Variants in CRPPA observed in about 807,000 individuals in gnomAD.
CRPPA encodes D-ribitol-5-phosphate cytidylyltransferase.
Under a neutral mutation model 52.0 loss-of-function variants are expected in CRPPA, and 43 were observed. That is an observed-to-expected ratio of 0.83 (90% CI 0.65 to 1.07). The LOEUF (loss-of-function observed/expected upper bound fraction) is 1.07, where lower values mean the gene tolerates loss of function less well. Among genes scored for constraint, CRPPA ranks in the 50% least tolerant of loss-of-function variants. CRPPA has a pLI of 0.00. For synonymous variants in CRPPA, 250 were observed against 203.5 expected (o/e 1.23, Z -1.94); for missense variants, 629 against 551.7 (o/e 1.14, Z -1.40).
At position 16,303,477 on chromosome 7, in the gene CRPPA, T is replaced by TAAAAAAAAAAAAAAAAAAAAAAA. The variant is rs545663821; in HGVS notation, c.790-2034_790-2012dup. ...GTTTCTGTGTTGAGACATAAAATAG[T>TAAAAAAAAAAAAAAAAAAAAAAA]AAAAAAAAAAAAAAAAAAAAAAAAA... On this transcript the variant is annotated intron_variant, in intron 4 of 9. Transcript: ENST00000407010. Among the ~76,000 whole-genome samples, 74 of 44,970 alleles carry TAAAAAAAAAAAAAAAAAAAAAAA rather than the reference T, an allele frequency of 1.6e-3. 11 individuals are homozygous for TAAAAAAAAAAAAAAAAAAAAAAA. The highest frequency in any genetic ancestry group is 5.3e-3 in the East Asian group (5 of 948). The allele number at this position is 44,970 out of a possible 152,430, so 29.5% of individuals were successfully genotyped here.
chr7:16,103,962 T>C (rs1480775354), intron 9 of CRPPA, among the ~76,000 whole-genome samples: 1 of 152,074 alleles, frequency 6.6e-6, no homozygotes, highest in Non-Finnish European at 1.5e-5. Context: ...AAGAATAAAA[T>C]GGGCCAATTC....
In CRPPA at chr7:16,260,659, A is replaced by C. The variant is rs1326604352; in HGVS notation, c.934-1647T>G. Among the ~76,000 whole-genome samples the C allele has an allele frequency of 3.9e-5, 6 of 152,004 alleles. No homozygotes were observed. In the South Asian group the frequency reaches 6.2e-4, roughly 16 times the overall value. ...CCAAGTTTCTGACTTCACAGATATG[A>C]AATAAGGCAACCATATCACCAGATC... On this transcript the variant is annotated intron_variant, in intron 6 of 9. Coordinates refer to ENST00000407010, the MANE Select transcript of CRPPA (RefSeq NM_001101426.4).
At chr7:16,106,683 T>C (rs904556749) in intron 9 of CRPPA, among the ~76,000 whole-genome samples, 4 of 152,142 alleles carry the variant, frequency 2.6e-5, no homozygotes, top group African/African-American at 7.2e-5. Flanking sequence ...GGGGCTGCTG[T>C]CTCAAATGTA....
chr7:16,162,973 C>CTTTTTTTTTTTTTT (rs377244023), intron 9 of CRPPA, among the ~76,000 whole-genome samples: 2 of 120,830 alleles, frequency 1.7e-5, no homozygotes, highest in Non-Finnish European at 1.7e-5. Flanking sequence ...TTTTCTTTCT[C>CTTTTTTTTTTTTTT]TTTTTTTTTT....
At chr7:16,348,031 T>C (rs902555744) in intron 3 of CRPPA, among the ~76,000 whole-genome samples, 3 of 151,990 alleles carry the variant, frequency 2.0e-5, no homozygotes, top group Non-Finnish European at 2.9e-5. Context: ...TGGAAGGAGA[T>C]TTACGACACA....
intron 9 of CRPPA, among the ~76,000 whole-genome samples, chr7:16,185,469 ATAG>A (rs1781487249): frequency 6.6e-6 from 1 of 152,178 alleles, no homozygotes; most frequent in Non-Finnish European, 1.5e-5. Flanking sequence ...CATCATGTTT[ATAG>A]TAGTGTTATT....
At chr7:16,096,765 A>G (rs1781942674) in intron 9 of CRPPA, among the ~76,000 whole-genome samples, 1 of 152,166 alleles carries the variant, frequency 6.6e-6, no homozygotes, top group African/African-American at 2.4e-5. Flanking sequence ...TTTCTTGGTT[A>G]CAACTATATT....
At chr7:16,323,612 C>A (rs1785312501) in intron 3 of CRPPA, among the ~76,000 whole-genome samples, 1 of 152,184 alleles carries the variant, frequency 6.6e-6, no homozygotes, top group Non-Finnish European at 1.5e-5. Flanking sequence ...TCCACAGAGG[C>A]ATGAACATAA....
At chr7:16,133,134 G>C (rs1782707956) in intron 9 of CRPPA, among the ~76,000 whole-genome samples, 2 of 122,512 alleles carry the variant, frequency 1.6e-5, no homozygotes, top group African/African-American at 5.3e-5. Flanking sequence ...GGACAACATG[G>C]TGAAATCCCA....
chr7:16,175,944 T>C (rs956076772), intron 9 of CRPPA, among the ~76,000 whole-genome samples: 28 of 152,072 alleles, frequency 1.8e-4, no homozygotes, highest in South Asian at 2.1e-4. Flanking sequence ...GGTGGAAATA[T>C]TTAGGAGTCA....
At chr7:16,278,767 T>G (rs1187821013) in intron 5 of CRPPA, among the ~76,000 whole-genome samples, 1 of 152,226 alleles carries the variant, frequency 6.6e-6, no homozygotes, top group Non-Finnish European at 1.5e-5. Flanking sequence ...TGAAAGAATT[T>G]TCTTCACATC....
At chr7:16,342,794 T>TAGATAC (rs1350825073) in intron 3 of CRPPA, among the ~76,000 whole-genome samples, 1 of 62,778 alleles carries the variant, frequency 1.6e-5, no homozygotes, top group Admixed American at 1.7e-4. Context: ...TATATATATA[T>TAGATAC]ATATCTATAT....
At chr7:16,250,733 A>T (rs1462941412) in intron 8 of CRPPA, among the ~76,000 whole-genome samples, 5 of 152,226 alleles carry the variant, frequency 3.3e-5, no homozygotes, top group African/African-American at 7.2e-5. Flanking sequence ...AGCACTAAAC[A>T]TGGAAAGGAA....
intron 9 of CRPPA, among the ~76,000 whole-genome samples, chr7:16,155,834 C>T (rs573826216): frequency 6.6e-6 from 1 of 152,080 alleles, no homozygotes. Context: ...GTCAACTGTA[C>T]AAACTCCTTA....
chr7:16,336,256 T>C (rs916816284), intron 3 of CRPPA, among the ~76,000 whole-genome samples: 4 of 152,146 alleles, frequency 2.6e-5, no homozygotes, highest in Non-Finnish European at 5.9e-5. Context: ...TAATCCCTTT[T>C]AAAAGAGTTA....
At chr7:16,414,238 A>T (rs766461646) in intron 1 of CRPPA, among the ~76,000 whole-genome samples, 51 of 152,004 alleles carry the variant, frequency 3.4e-4, no homozygotes, top group South Asian at 4.1e-4. Flanking sequence ...TACCCAACTC[A>T]TCACCAAGTC....
At chr7:16,382,213 C>G (rs1787113632) in intron 2 of CRPPA, among the ~76,000 whole-genome samples, 1 of 152,070 alleles carries the variant, frequency 6.6e-6, no homozygotes, top group African/African-American at 2.4e-5. Flanking sequence ...TCAGCATTTG[C>G]TTGTCTGTAA....
intron 8 of CRPPA, among the ~76,000 whole-genome samples, chr7:16,251,027 G>T (rs1783434496): frequency 6.6e-6 from 1 of 151,568 alleles, no homozygotes; most frequent in Non-Finnish European, 1.5e-5. Context: ...AAGGATAGAT[G>T]AAGATTTACC....
chr7:16,249,847 C>T (rs938656094), intron 8 of CRPPA, among the ~76,000 whole-genome samples: 8 of 152,242 alleles, frequency 5.3e-5, no homozygotes, highest in African/African-American at 1.4e-4. Flanking sequence ...CAACTCCTCG[C>T]CAGCAAGGGA....
Sources: gnomAD v4.1 joint callset for allele counts (sites outside exome capture counted in the v4.1 genomes callset) on GRCh38, gnomAD v4.1.1 for gene constraint, MANE v1.5 for transcripts, NCBI Gene and HGNC (gene_info 2026-07-23, HGNC 2026-07-21) for gene names.